Variants in DLGAP2 observed in about 807,000 individuals in gnomAD.
DLGAP2 encodes the protein disks large-associated protein 2.
DLGAP2 carries 26 observed loss-of-function variants against 100.3 expected under a neutral mutation model. The observed-to-expected ratio is 0.26, with a 90% CI of 0.19 to 0.36. DLGAP2 has a LOEUF of 0.36. Among genes scored for constraint, DLGAP2 ranks in the 10% least tolerant of loss-of-function variants. The pLI, the probability that DLGAP2 is intolerant of heterozygous loss-of-function variation, is 1.00. For synonymous variants in DLGAP2, 886 were observed against 630.1 expected, an observed-to-expected ratio of 1.41 and a Z score of -6.08; for missense variants, 1,858 against 1,453.2, an observed-to-expected ratio of 1.28 and a Z score of -4.53.
intron 4 of DLGAP2, among the ~76,000 whole-genome samples, chr8:1,515,803 C>G (rs994245198): frequency 5.3e-5 from 8 of 152,224 alleles, no homozygotes; most frequent in African/African-American, 1.7e-4. Flanking sequence ...GTCTGCCCCT[C>G]CAGTCTGTTC....
At chr8:1,243,194 G>C (rs1274384767) in intron 2 of DLGAP2, among the ~76,000 whole-genome samples, 1 of 152,180 alleles carries the variant, frequency 6.6e-6, no homozygotes, top group Non-Finnish European at 1.5e-5. Flanking sequence ...GACACACCAG[G>C]GGAGTGAGGA....
At chr8:1,421,863 C>G (rs929329567) in intron 3 of DLGAP2, among the ~76,000 whole-genome samples, 1 of 151,894 alleles carries the variant, frequency 6.6e-6, no homozygotes, top group Non-Finnish European at 1.5e-5. Flanking sequence ...ACTCAAGAGG[C>G]TCTGAGGCAG....
intron 2 of DLGAP2, among the ~76,000 whole-genome samples, chr8:977,890 C>T (rs1214680626): frequency 2.0e-5 from 1 of 48,840 alleles, no homozygotes; most frequent in Non-Finnish European, 4.3e-5. Context: ...GGGAGGGCGT[C>T]GGGGATGCAG....
chr8:1,553,780 C>G (rs189313030), intron 5 of DLGAP2, among the ~76,000 whole-genome samples: 57 of 152,296 alleles, frequency 3.7e-4, no homozygotes, highest in African/African-American at 1.3e-3. Flanking sequence ...ATTCTCTGAA[C>G]GACGTGTCTG....
intron 3 of DLGAP2, among the ~76,000 whole-genome samples, chr8:1,348,514 A>AGAGCTGCATTGCACTCATGGTC (rs1801623599): frequency 6.7e-6 from 1 of 148,990 alleles, no homozygotes; most frequent in African/African-American, 2.5e-5. Flanking sequence ...CACTCATGAT[A>AGAGCTGCATTGCACTCATGGTC]GCTGTTTGGA....
chr8:1,633,100 C>A (rs1200976463), intron 8 of DLGAP2, 54 bp downstream of exon 8: 1 of 1,580,350 alleles, frequency 6.3e-7, no homozygotes, highest in African/African-American at 1.3e-5. Context: ...GCATACCTGT[C>A]TTCATCCTAG....
At chr8:1,371,633 G>A (rs918704313) in intron 3 of DLGAP2, among the ~76,000 whole-genome samples, 5 of 152,222 alleles carry the variant, frequency 3.3e-5, no homozygotes, top group Non-Finnish European at 7.3e-5. Flanking sequence ...TAAATTTGAT[G>A]GTAATGAAAC....
intron 3 of DLGAP2, chr8:1,297,204 C>T (rs1355052709): frequency 6.6e-6 from 1 of 152,190 alleles, no homozygotes; most frequent in African/African-American, 2.4e-5. Flanking sequence ...CATGGACCTC[C>T]AGGTAGTGAG....
intron 6 of DLGAP2, among the ~76,000 whole-genome samples, chr8:1,616,287 A>G (rs2977209): frequency 1.3e-5 from 2 of 152,084 alleles, no homozygotes; most frequent in African/African-American, 4.8e-5. Flanking sequence ...ACACACATAT[A>G]ATTAGAGAAC....
chr8:1,442,044 C>G (rs577324517), intron 3 of DLGAP2, among the ~76,000 whole-genome samples: 50 of 152,270 alleles, frequency 3.3e-4, no homozygotes, highest in African/African-American at 1.2e-3. Flanking sequence ...ACTGTGCACA[C>G]AGACCCAGAG....
chr8:1,252,354 T>TCATGC (rs1799064602), intron 2 of DLGAP2, among the ~76,000 whole-genome samples: 2 of 143,686 alleles, frequency 1.4e-5, no homozygotes, highest in Non-Finnish European at 3.2e-5. Flanking sequence ...TCATGTCATG[T>TCATGC]CACACTTGCC....
intron 3 of DLGAP2, among the ~76,000 whole-genome samples, chr8:1,461,301 G>A (rs1476655878): frequency 2.8e-5 from 2 of 72,278 alleles, no homozygotes; most frequent in East Asian, 2.5e-3. Flanking sequence ...CGGTGGCCAG[G>A]AGGAGGGAGA....
At chr8:911,561 ATATGTTGGAAGGATGTGTGTATAATG>A (rs950150384) in intron 2 of DLGAP2, among the ~76,000 whole-genome samples, 6 of 150,006 alleles carry the variant, frequency 4.0e-5, no homozygotes, top group African/African-American at 1.5e-4. Context: ...CATGTATAAC[ATATGTTGGAAGGATGTGTGTATAATG>A]TATGTTGGAA....
At chr8:904,944 T>G (rs959844873) in intron 1 of DLGAP2, among the ~76,000 whole-genome samples, 1 of 152,256 alleles carries the variant, frequency 6.6e-6, no homozygotes, top group Non-Finnish European at 1.5e-5. Flanking sequence ...CCTGCCTTCC[T>G]GCTCCAGCCA....
intron 6 of DLGAP2, among the ~76,000 whole-genome samples, chr8:1,626,202 G>C (rs879638024): frequency 1.4e-5 from 2 of 145,480 alleles, no homozygotes; most frequent in African/African-American, 5.3e-5. Flanking sequence ...CGGGTGCTCA[G>C]CCTCTGGGTG....
At chr8:1,669,193 A>C (rs1269517314) in intron 9 of DLGAP2, among the ~76,000 whole-genome samples, 2 of 152,206 alleles carry the variant, frequency 1.3e-5, no homozygotes, top group African/African-American at 4.8e-5. Context: ...AGGTGCTGGC[A>C]GGCCCCTCAG....
intron 3 of DLGAP2, among the ~76,000 whole-genome samples, chr8:1,433,288 C>G (rs1181203727): frequency 6.6e-6 from 1 of 152,250 alleles, no homozygotes; most frequent in Non-Finnish European, 1.5e-5. Context: ...TCTACATGTT[C>G]CGAAACAACC....
chr8:1,683,856 A>ATATGTG (rs1467438870), intron 12 of DLGAP2, among the ~76,000 whole-genome samples: 10 of 62,228 alleles, frequency 1.6e-4, no homozygotes, highest in South Asian at 1.6e-3. Context: ...ATATATATAT[A>ATATGTG]TGTGTGTGTG....
intron 3 of DLGAP2, among the ~76,000 whole-genome samples, chr8:1,423,671 G>C (rs1208993853): frequency 6.6e-6 from 1 of 152,208 alleles, no homozygotes; most frequent in Non-Finnish European, 1.5e-5. Context: ...TCTGTGCGTT[G>C]AGAGCCTGGC....
Sources: allele counts gnomAD v4.1 joint callset (sites outside exome capture counted in the v4.1 genomes callset), GRCh38; gene constraint gnomAD v4.1.1; transcripts MANE v1.5; gene names NCBI Gene and HGNC (gene_info 2026-07-23, HGNC 2026-07-21).